RTN1: variants seen among roughly 807,000 people sequenced by gnomAD.
RTN1 encodes the protein reticulon-1.
A neutral mutation model predicts 65.5 loss-of-function variants in RTN1; 25 were observed. That is an observed-to-expected ratio of 0.38 (90% CI 0.28 to 0.53). The LOEUF is 0.53. Among genes scored for constraint, RTN1 ranks in the 20% least tolerant of loss-of-function variants. The pLI is 0.79. For missense variants in RTN1, 983 were observed against 1,025.4 expected, an observed-to-expected ratio of 0.96 and a Z score of 0.57; for synonymous variants, 471 against 447.6, an observed-to-expected ratio of 1.05 and a Z score of -0.66.
chr14:59,610,385 G>A (rs181357533), intron 3 of RTN1, among the ~76,000 whole-genome samples: 1 of 152,290 alleles, frequency 6.6e-6, no homozygotes, highest in East Asian at 1.9e-4. Context: ...GTTGGTTCTG[G>A]ACACTTTGCA....
chr14:59,845,089 C>T (rs902946982), intron 1 of RTN1, among the ~76,000 whole-genome samples: 3 of 152,162 alleles, frequency 2.0e-5, no homozygotes. Context: ...ATGAACTTCA[C>T]ATTGTAGATT....
chr14:59,768,821 G>C (rs183961072), intron 1 of RTN1, among the ~76,000 whole-genome samples: 17 of 152,254 alleles, frequency 1.1e-4, no homozygotes, highest in Admixed American at 3.3e-4. Flanking sequence ...CAGAGTATAT[G>C]AGTTAACTCA....
intron 3 of RTN1, among the ~76,000 whole-genome samples, chr14:59,659,949 T>C (rs1358782330): frequency 8.1e-5 from 12 of 147,636 alleles, no homozygotes; most frequent in Non-Finnish European, 1.6e-4. Flanking sequence ...GACTGGCAAA[T>C]TGGATAAAGA....
chr14:59,717,617 G>A (rs8018248), intron 3 of RTN1, among the ~76,000 whole-genome samples: 6,031 of 152,282 alleles, frequency 0.04, 402 homozygotes, highest in African/African-American at 0.14. Flanking sequence ...TTGTGGGGTG[G>A]AGAGATGTTA....
At chr14:59,818,944 G>A (rs1334943548) in intron 1 of RTN1, among the ~76,000 whole-genome samples, 1 of 152,192 alleles carries the variant, frequency 6.6e-6, no homozygotes, top group Non-Finnish European at 1.5e-5. Flanking sequence ...CGCGGTGAGT[G>A]TTAAAGCTCT....
chr14:59,819,057 T>C (rs1012863929), intron 1 of RTN1, among the ~76,000 whole-genome samples: 1 of 152,122 alleles, frequency 6.6e-6, no homozygotes, highest in African/African-American at 2.4e-5. Context: ...TTACAGTTCA[T>C]AAAGGTGGCG....
chr14:59,686,622 C>T (rs1211030282), intron 3 of RTN1, among the ~76,000 whole-genome samples: 2 of 152,188 alleles, frequency 1.3e-5, no homozygotes, highest in Admixed American at 6.5e-5. Flanking sequence ...CGTGGGCAAA[C>T]AGCCCTCGTG....
At chr14:59,633,073 A>G (rs941919438) in intron 3 of RTN1, among the ~76,000 whole-genome samples, 2 of 152,180 alleles carry the variant, frequency 1.3e-5, no homozygotes, top group African/African-American at 4.8e-5. Flanking sequence ...ACTGCACTCC[A>G]GCCTGGGTGA....
At chr14:59,783,296 TG>T (rs1886190452) in intron 1 of RTN1, among the ~76,000 whole-genome samples, 1 of 151,938 alleles carries the variant, frequency 6.6e-6, no homozygotes, top group Non-Finnish European at 1.5e-5. Context: ...TTGGGTGGGG[TG>T]GGGCGTAGAG....
At chr14:59,778,685 G>A (rs1886097979) in intron 1 of RTN1, among the ~76,000 whole-genome samples, 1 of 152,152 alleles carries the variant, frequency 6.6e-6, no homozygotes, top group African/African-American at 2.4e-5. Flanking sequence ...AGGAGAGGGT[G>A]GGCAGTTGCA....
At chr14:59,630,811 T>C in intron 3 of RTN1, 1 of 1,024,250 alleles carries the variant, frequency 9.8e-7, no homozygotes, top group Middle Eastern at 4.7e-4. Context: ...GGTAAAGCGG[T>C]TCTGGCCGCG....
At chr14:59,624,693 C>T (rs1426002806) in intron 3 of RTN1, among the ~76,000 whole-genome samples, 1 of 152,102 alleles carries the variant, frequency 6.6e-6, no homozygotes. Context: ...AACTCCTGAC[C>T]TCAGGTGGTC....
At chr14:59,801,759 C>A (rs542670186) in intron 1 of RTN1, among the ~76,000 whole-genome samples, 63 of 152,184 alleles carry the variant, frequency 4.1e-4, no homozygotes, top group Non-Finnish European at 6.6e-4. Context: ...AAGATTATAA[C>A]GCTATACATG....
intron 1 of RTN1, among the ~76,000 whole-genome samples, chr14:59,814,722 T>C (rs1323006650): frequency 1.3e-5 from 2 of 152,220 alleles, no homozygotes; most frequent in South Asian, 2.1e-4. Context: ...CATTCACTCA[T>C]GTAAATCAAC....
At chr14:59,660,351 G>C (rs556940740) in intron 3 of RTN1, among the ~76,000 whole-genome samples, 4 of 152,134 alleles carry the variant, frequency 2.6e-5, no homozygotes, top group Admixed American at 2.6e-4. Flanking sequence ...AATTAACAAG[G>C]ATATTCAGGA....
At chr14:59,630,330 G>T in intron 3 of RTN1, 2 of 1,310,104 alleles carry the variant, frequency 1.5e-6, no homozygotes, top group South Asian at 1.2e-5. Context: ...CCAACACAAA[G>T]CTCTGGGGTA....
intron 3 of RTN1, chr14:59,630,520 G>C (rs28491632): frequency 6.2e-7 from 1 of 1,613,576 alleles, no homozygotes; most frequent in East Asian, 2.2e-5. Context: ...GCGGGCTTTG[G>C]GGGCTCGCCG....
chr14:59,707,884 GAA>G (rs1884333156), intron 3 of RTN1, among the ~76,000 whole-genome samples: 7 of 152,140 alleles, frequency 4.6e-5, no homozygotes, highest in Admixed American at 4.6e-4. Flanking sequence ...TGAAAGATTT[GAA>G]AAGAGATTGC....
intron 3 of RTN1, among the ~76,000 whole-genome samples, chr14:59,692,418 A>G (rs1028217933): frequency 1.3e-5 from 2 of 152,230 alleles, no homozygotes; most frequent in Admixed American, 1.3e-4. Context: ...TATAGATGAC[A>G]TTAAAAAATG....
Sources: allele counts gnomAD v4.1 joint callset (sites outside exome capture counted in the v4.1 genomes callset), GRCh38; gene constraint gnomAD v4.1.1; transcripts MANE v1.5; gene names NCBI Gene and HGNC (gene_info 2026-07-23, HGNC 2026-07-21).